MROH9: variants seen among roughly 807,000 people sequenced by gnomAD.
The protein encoded by MROH9 is maestro heat-like repeat-containing protein family member 9.
MROH9 carries 92 observed loss-of-function variants against 98.2 expected under a neutral mutation model. That is an observed-to-expected ratio of 0.94 (90% CI 0.79 to 1.11). The LOEUF (loss-of-function observed/expected upper bound fraction) is 1.11. MROH9 is among the 50% of genes most tolerant of loss of function. The probability of loss-of-function intolerance (pLI) is 0.00; values close to 1 mark genes in which losing one functional copy is unlikely to be tolerated. For missense variants in MROH9, 1,057 were observed against 1,014.8 expected (o/e 1.04, Z -0.57); for synonymous variants, 397 against 368.9 (o/e 1.08, Z -0.87).
At chr1:171,032,135 T>C (rs532745124) in intron 20 of MROH9, among the ~76,000 whole-genome samples, 101 of 152,302 alleles carry the variant, frequency 6.6e-4, no homozygotes, top group African/African-American at 2.3e-3. Context: ...CATCAGATCA[T>C]TTATGTTTCT....
chr1:170,943,850 G>C (rs1022813173), intron 1 of MROH9, among the ~76,000 whole-genome samples: 15 of 152,004 alleles, frequency 9.9e-5, no homozygotes, highest in Non-Finnish European at 1.3e-4. Flanking sequence ...TAAAGTCAAA[G>C]AAAATGAACT....
chr1:170,951,992 T>C (rs1015506478), intron 3 of MROH9, among the ~76,000 whole-genome samples: 1 of 150,052 alleles, frequency 6.7e-6, no homozygotes, highest in Non-Finnish European at 1.5e-5. Flanking sequence ...AAAAGACACA[T>C]GAAAAAATGC....
chr1:170,957,869 G>C (rs572249811), intron 3 of MROH9, among the ~76,000 whole-genome samples: 2 of 150,830 alleles, frequency 1.3e-5, no homozygotes, highest in East Asian at 3.9e-4. Context: ...AGTGCAGTGG[G>C]GCCATCTCGG....
At chr1:171,051,984 T>C (rs1192869566) in intron 20 of MROH9, among the ~76,000 whole-genome samples, 1 of 152,178 alleles carries the variant, frequency 6.6e-6, no homozygotes, top group Non-Finnish European at 1.5e-5. Flanking sequence ...GTATCAGTTA[T>C]TGCTTGTATG....
intron 17 of MROH9, among the ~76,000 whole-genome samples, chr1:171,018,132 A>G (rs1652390066): frequency 6.6e-6 from 1 of 152,136 alleles, no homozygotes; most frequent in African/African-American, 2.4e-5. Flanking sequence ...AACCCTATAC[A>G]GGAGTGAGCC....
At chr1:170,951,125 G>A (rs1013433795) in intron 3 of MROH9, among the ~76,000 whole-genome samples, 4 of 152,066 alleles carry the variant, frequency 2.6e-5, no homozygotes, top group African/African-American at 7.2e-5. Context: ...CTAGTTAGAT[G>A]TATACACTGT....
chr1:171,019,084 A>G (rs1652425943), intron 17 of MROH9, among the ~76,000 whole-genome samples: 1 of 152,256 alleles, frequency 6.6e-6, no homozygotes, highest in Non-Finnish European at 1.5e-5. Context: ...ACTCATCAGC[A>G]AATTCAAAAG....
chr1:171,025,263 C>A, intron 19 of MROH9, 55 bp from the exon 20 acceptor site: 2 of 1,125,528 alleles, frequency 1.8e-6, no homozygotes, highest in South Asian at 1.3e-5. Context: ...CTGGAGGGAG[C>A]AAATGTTCTA....
chr1:171,044,755 TGCTCATACTA>T (rs1653408529), intron 20 of MROH9, among the ~76,000 whole-genome samples: 1 of 152,038 alleles, frequency 6.6e-6, no homozygotes, highest in East Asian at 1.9e-4. Flanking sequence ...GGCCTATAGT[TGCTCATACTA>T]GCCACTAATG....
At chr1:170,992,116 A>T (rs1332994044) in intron 11 of MROH9, 48 bp from the exon 12 acceptor site, 2 of 1,527,376 alleles carry the variant, frequency 1.3e-6, no homozygotes, top group Non-Finnish European at 8.8e-7. Context: ...ATCAAGTAGG[A>T]CATGACAAAC....
At chr1:171,000,646 T>C (rs1651753575) in intron 15 of MROH9, among the ~76,000 whole-genome samples, 1 of 152,154 alleles carries the variant, frequency 6.6e-6, no homozygotes, top group Non-Finnish European at 1.5e-5. Flanking sequence ...TTAGCTAGTA[T>C]TTTGTTAAGG....
chr1:170,963,273 A>G (rs1413975752), intron 6 of MROH9, among the ~76,000 whole-genome samples: 2 of 152,200 alleles, frequency 1.3e-5, no homozygotes, highest in African/African-American at 2.4e-5. Context: ...TCAAAACCAC[A>G]ATGAGATACC....
chr1:171,039,021 G>C (rs1339611102), intron 20 of MROH9, among the ~76,000 whole-genome samples: 1 of 151,998 alleles, frequency 6.6e-6, no homozygotes, highest in Non-Finnish European at 1.5e-5. Flanking sequence ...TTCACTTGTG[G>C]ATGAAGCCTG....
In MROH9 at chr1:171,016,356, A is replaced by T. The variant is rs1652328215; in HGVS notation, c.1908+20A>T. On this transcript the variant is annotated intron_variant, in intron 17 of 21. Transcript: ENST00000367759. Reference sequence around the variant, plus strand: ...GATCATGTGAGTTACACAGTTAGATATGTGAGATCATTAGGTTTTGTGGTT... The same window carrying T: ...GATCATGTGAGTTACACAGTTAGATTTGTGAGATCATTAGGTTTTGTGGTT... The T allele has an allele frequency of 7.0e-7, 1 of 1,434,354 alleles. No homozygotes were observed. Among genetic ancestry groups the T allele is most frequent in the Admixed American group, 2.8e-5 (1 of 35,796 alleles). 88.9% of individuals were successfully genotyped at this position (1,434,354 alleles called of 1,614,324 possible).
At chr1:170,973,881 T>G (rs778447515) in intron 8 of MROH9, among the ~76,000 whole-genome samples, 4 of 152,152 alleles carry the variant, frequency 2.6e-5, no homozygotes, top group Non-Finnish European at 4.4e-5. Context: ...GATGATAGAA[T>G]GAGTAGAGTG....
Position 170,971,895 on chromosome 1 carries a change from T to C in MROH9, c.616+12T>C. ...ACGGTGTCAGAACGGTAAGAACAGT[T>C]CACCATCTTTTCTCAGGATTACTAA... is the stretch of plus-strand genomic sequence containing the variant. On this transcript the variant is annotated intron_variant, in intron 8 of 21. Coordinates refer to ENST00000367759, the MANE Select transcript of MROH9 (RefSeq NM_001163629.2). The C allele has an allele frequency of 6.2e-7, 1 of 1,612,160 alleles. No individual in the cohort carries two copies. The highest frequency in any genetic ancestry group is 1.1e-5 in the South Asian group (1 of 90,946).
rs558514910 is a variant in MROH9 at position 170,992,212 on chromosome 1, C to T, written c.1077C>T (p.Ala359=). 8 of 1,613,024 alleles carry T rather than the reference C, an allele frequency of 5.0e-6. No homozygotes were observed. The East Asian group carries it at 1.6e-4, about 32-fold the overall frequency. The change falls in exon 12 of 22, where the codon GCC becomes GCT. Residue 359 remains alanine (A), a synonymous_variant. Transcript: ENST00000367759. The part of the protein sequence containing the change: ...WKAACSQASV[A]PHVLKTILLI... ...CGGCATGTTCTCAGGCGAGCGTGGC[C>T]CCTCACGTGCTGAAGACAATCTTAT...
At chr1:171,040,237 G>T (rs181533557) in intron 20 of MROH9, among the ~76,000 whole-genome samples, 137 of 152,188 alleles carry the variant, frequency 9.0e-4, no homozygotes, top group African/African-American at 3.1e-3. Flanking sequence ...AAATCAAAGG[G>T]TATATACATC....
At chr1:171,044,035 T>G (rs1653388487) in intron 20 of MROH9, among the ~76,000 whole-genome samples, 1 of 152,192 alleles carries the variant, frequency 6.6e-6, no homozygotes, top group Admixed American at 6.5e-5. Flanking sequence ...TGGACATTCT[T>G]GTCATGTTCC....
Sources: allele counts gnomAD v4.1 joint callset (sites outside exome capture counted in the v4.1 genomes callset), GRCh38; gene constraint gnomAD v4.1.1; transcripts MANE v1.5; gene names NCBI Gene and HGNC (gene_info 2026-07-23, HGNC 2026-07-21).